Variants in CSGALNACT1 observed in about 807,000 individuals in gnomAD.
CSGALNACT1 encodes the protein beta4GalNAcT-1.
CSGALNACT1 carries 52 observed loss-of-function variants against 51.0 expected under a neutral mutation model. That is an observed-to-expected ratio of 1.02 (90% confidence interval 0.82 to 1.29). The LOEUF (loss-of-function observed/expected upper bound fraction) is 1.29, where lower values mean the gene tolerates loss of function less well. CSGALNACT1 is among the 50% of genes most tolerant of loss of function. The pLI is 0.00. For synonymous variants in CSGALNACT1, 341 were observed against 254.4 expected, an observed-to-expected ratio of 1.34 and a Z score of -3.24; for missense variants, 935 against 679.2, an observed-to-expected ratio of 1.38 and a Z score of -4.19.
intron 1 of CSGALNACT1, among the ~76,000 whole-genome samples, chr8:19,754,292 C>T (rs936509837): frequency 6.6e-6 from 1 of 152,090 alleles, no homozygotes. Flanking sequence ...CCTCCCAAAG[C>T]GCTGGGATTA....
At chr8:19,579,134 T>G (rs1205034648) in intron 3 of CSGALNACT1, among the ~76,000 whole-genome samples, 1 of 152,174 alleles carries the variant, frequency 6.6e-6, no homozygotes, top group Non-Finnish European at 1.5e-5. Context: ...AGTGCCATAC[T>G]CAAAATCCTG....
intron 3 of CSGALNACT1, among the ~76,000 whole-genome samples, chr8:19,550,879 C>A (rs901077488): frequency 6.6e-5 from 10 of 152,178 alleles, no homozygotes; most frequent in African/African-American, 2.4e-4. Flanking sequence ...GCATGCTTTA[C>A]CCCTACTCTC....
chr8:19,595,596 C>G (rs1023721175), intron 2 of CSGALNACT1, among the ~76,000 whole-genome samples: 1 of 151,900 alleles, frequency 6.6e-6, no homozygotes, highest in East Asian at 1.9e-4. Context: ...GGGGACTTGA[C>G]TATATGATCA....
At chr8:19,579,018 AG>A (rs2044947571) in intron 3 of CSGALNACT1, among the ~76,000 whole-genome samples, 1 of 152,164 alleles carries the variant, frequency 6.6e-6, no homozygotes, top group Non-Finnish European at 1.5e-5. Context: ...AATGAGTCAC[AG>A]CACCCTGACT....
chr8:19,513,462 A>ATATATATATATATATATATATATATATT (rs1226907527), intron 3 of CSGALNACT1, among the ~76,000 whole-genome samples: 7 of 140,252 alleles, frequency 5.0e-5, no homozygotes, highest in African/African-American at 1.9e-4. Context: ...ATATATATAT[A>ATATATATATATATATATATATATATATT]TTTTGTGCCA....
intron 5 of CSGALNACT1, among the ~76,000 whole-genome samples, chr8:19,451,352 T>C (rs1442057439): frequency 1.3e-5 from 2 of 152,226 alleles, no homozygotes; most frequent in Non-Finnish European, 2.9e-5. Flanking sequence ...TCTTCCCATA[T>C]TGTTATTGAG....
At chr8:19,663,827 C>T (rs1390301823) in intron 1 of CSGALNACT1, among the ~76,000 whole-genome samples, 1 of 152,248 alleles carries the variant, frequency 6.6e-6, no homozygotes, top group African/African-American at 2.4e-5. Flanking sequence ...TAATGCAGCC[C>T]TTCTCCTCCA....
At chr8:19,667,019 GGAAGGAAGGAAGGAAGGAAGGAA>G (rs1358253048) in intron 1 of CSGALNACT1, among the ~76,000 whole-genome samples, 2 of 29,300 alleles carry the variant, frequency 6.8e-5, no homozygotes, top group Non-Finnish European at 1.3e-4. Flanking sequence ...AAGAAAGAAA[GGAAGGAAGGAAGGAAGGAAGGAA>G]GAAAGAAAGA....
chr8:19,616,845 C>A (rs1002027495), intron 1 of CSGALNACT1, among the ~76,000 whole-genome samples: 2 of 152,158 alleles, frequency 1.3e-5, no homozygotes, highest in African/African-American at 4.8e-5. Flanking sequence ...AGCCAGCGGT[C>A]CCCAACCTTT....
intron 6 of CSGALNACT1, among the ~76,000 whole-genome samples, chr8:19,420,997 A>G (rs1394262527): frequency 6.6e-6 from 1 of 152,184 alleles, no homozygotes; most frequent in African/African-American, 2.4e-5. Flanking sequence ...TCTTTCCTCC[A>G]AACAGATTTA....
intron 1 of CSGALNACT1, among the ~76,000 whole-genome samples, chr8:19,651,597 GT>G (rs201138101): frequency 1.3e-4 from 20 of 151,610 alleles, no homozygotes; most frequent in Non-Finnish European, 2.8e-4. Context: ...ATAGGATTTT[GT>G]TTTTTTTATG....
upstream of CSGALNACT1, among the ~76,000 whole-genome samples, chr8:19,604,086 A>C (rs961235405): frequency 6.6e-6 from 1 of 152,188 alleles, no homozygotes; most frequent in Non-Finnish European, 1.5e-5. Flanking sequence ...TGGAAAGTAC[A>C]TGTCTCCTTA....
At chr8:19,481,298 C>G (rs978467588) in intron 4 of CSGALNACT1, among the ~76,000 whole-genome samples, 1 of 152,100 alleles carries the variant, frequency 6.6e-6, no homozygotes, top group Admixed American at 6.6e-5. Flanking sequence ...CTGGTTGGCA[C>G]CTTGCTAGTC....
At chr8:19,632,716 G>A (rs1425430616) in intron 1 of CSGALNACT1, among the ~76,000 whole-genome samples, 2 of 152,112 alleles carry the variant, frequency 1.3e-5, no homozygotes, top group African/African-American at 4.8e-5. Context: ...AAGGAAAGTT[G>A]TAACTTCCTT....
chr8:19,745,634 T>G (rs1351065108), intron 1 of CSGALNACT1, among the ~76,000 whole-genome samples: 1 of 152,208 alleles, frequency 6.6e-6, no homozygotes, highest in African/African-American at 2.4e-5. Flanking sequence ...TTTCCATTTC[T>G]GATGTTGTAA....
chr8:19,414,218 G>A (rs539173102), intron 8 of CSGALNACT1, among the ~76,000 whole-genome samples: 32 of 152,234 alleles, frequency 2.1e-4, no homozygotes, highest in African/African-American at 7.2e-4. Context: ...CTGGCTCTGT[G>A]CCCAAAGATT....
intron 1 of CSGALNACT1, among the ~76,000 whole-genome samples, chr8:19,728,352 A>C (rs1358448023): frequency 2.0e-5 from 3 of 152,230 alleles, no homozygotes; most frequent in Non-Finnish European, 4.4e-5. Context: ...AGCTCTAAAA[A>C]TAAAAAGTGA....
At chr8:19,635,911 G>C (rs1188384436) in intron 1 of CSGALNACT1, among the ~76,000 whole-genome samples, 2 of 152,086 alleles carry the variant, frequency 1.3e-5, no homozygotes, top group Admixed American at 6.6e-5. Context: ...TGTAGTTTTA[G>C]TAGAGACAGG....
At chr8:19,491,194 C>T (rs1046090103) in intron 4 of CSGALNACT1, among the ~76,000 whole-genome samples, 1 of 151,916 alleles carries the variant, frequency 6.6e-6, no homozygotes, top group African/African-American at 2.4e-5. Flanking sequence ...AAAATGATAG[C>T]CTTTGTCCTA....
Sources: allele counts gnomAD v4.1 joint callset (sites outside exome capture counted in the v4.1 genomes callset), GRCh38; gene constraint gnomAD v4.1.1; transcripts MANE v1.5; gene names NCBI Gene and HGNC (gene_info 2026-07-23, HGNC 2026-07-21).